MDGA2: variants seen among roughly 807,000 people sequenced by gnomAD.
MDGA2 encodes MAM domain containing glycosylphosphatidylinositol anchor 2.
MDGA2 carries 40 observed loss-of-function variants against 117.8 expected under a neutral mutation model. The ratio of observed to expected loss-of-function variants is 0.34; its 90% CI spans 0.26 to 0.44. MDGA2 has a LOEUF of 0.44. Among genes scored for constraint, MDGA2 ranks in the 20% least tolerant of loss-of-function variants. The pLI is 1.00. For synonymous variants in MDGA2, 452 were observed against 439.0 expected (o/e 1.03, Z -0.37); for missense variants, 1,123 against 1,250.6 (o/e 0.90, Z 1.54).
chr14:47,089,088 G>C (rs1214523933), intron 6 of MDGA2, among the ~76,000 whole-genome samples: 2 of 152,092 alleles, frequency 1.3e-5, no homozygotes, highest in African/African-American at 4.8e-5. Flanking sequence ...GTATTGTTGA[G>C]ATTTTTTTTT....
chr14:46,874,031 TC>T lies in MDGA2; in HGVS notation c.2593+13del. 2 of 1,529,376 alleles carry T rather than the reference TC, an allele frequency of 1.3e-6. No individual in the cohort carries two copies. Among genetic ancestry groups the T allele is most frequent in the Non-Finnish European group, 1.7e-6 (2 of 1,147,608 alleles). The allele number at this position is 1,529,376 out of a possible 1,614,324, so 94.7% of individuals were successfully genotyped here. A position where few individuals can be genotyped will look rare whatever the true frequency, so the allele number is the denominator to read the frequency against. ...CTCTGATTGCTATGAACACAAAAGG[TC>T]ATACCCCCATACCTTCTTTGGAGCC... On this transcript the variant is annotated intron_variant, in intron 13 of 16. Transcript: ENST00000399232.
At chr14:47,441,647 T>C (rs1893013624) in intron 1 of MDGA2, among the ~76,000 whole-genome samples, 1 of 152,146 alleles carries the variant, frequency 6.6e-6, no homozygotes, top group African/African-American at 2.4e-5. Flanking sequence ...GAATTGACAG[T>C]TTTTTGAAAA....
chr14:47,242,588 C>A (rs554371482), intron 2 of MDGA2, among the ~76,000 whole-genome samples: 1 of 151,978 alleles, frequency 6.6e-6, no homozygotes, highest in South Asian at 2.1e-4. Flanking sequence ...AGCACCCGGG[C>A]CAGTGGCTGC....
intron 1 of MDGA2, among the ~76,000 whole-genome samples, chr14:47,362,411 G>T (rs936322981): frequency 6.6e-6 from 1 of 152,088 alleles, no homozygotes; most frequent in African/African-American, 2.4e-5. Flanking sequence ...TTTATATAAT[G>T]TTTATTGGCT....
In MDGA2 at chr14:47,279,726, AACAG is replaced by A. The variant is rs537489440; in HGVS notation, c.420+21681_420+21684del. 1.1e-3 allele frequency among the ~76,000 whole-genome samples: 164 copies of A among 152,004 alleles called. 1 individual carries two copies. The highest frequency in any genetic ancestry group is 2.1e-3 in the Non-Finnish European group (143 of 67,948). ...TATGTTTAACTCTAGATCTCTTCCA[AACAG>A]ACAAACACACCCACACACCTACCCA... On this transcript the variant is annotated intron_variant, in intron 2 of 16. Transcript: ENST00000399232.
At chr14:47,251,356 C>T (rs2139642434) in intron 2 of MDGA2, among the ~76,000 whole-genome samples, 1 of 152,306 alleles carries the variant, frequency 6.6e-6, no homozygotes, top group Admixed American at 6.5e-5. Context: ...CTTGTGTTCT[C>T]CACTAAAATG....
chr14:47,064,993 C>T (rs751898573), intron 6 of MDGA2, among the ~76,000 whole-genome samples: 29 of 152,030 alleles, frequency 1.9e-4, no homozygotes, highest in Non-Finnish European at 3.5e-4. Flanking sequence ...AAATCCCTTT[C>T]CCCAAATGCA....
rs189852776 is a variant in MDGA2 at position 47,652,714 on chromosome 14, T to C, written c.280+21803A>G. On this transcript the variant is annotated intron_variant, in intron 1 of 16. Coordinates refer to ENST00000399232, the MANE Select transcript of MDGA2 (RefSeq NM_001113498.3). ...GCATAAAAAATTAGTACCTTATAAC[T>C]CTTTAGTAATTTTTAAAATTGCAAA... Among the ~76,000 whole-genome samples the C allele has an allele frequency of 1.8e-3, 277 of 152,290 alleles. 1 individual carries two copies. The highest frequency in any genetic ancestry group is 6.3e-3 in the African/African-American group (262 of 41,560).
intron 1 of MDGA2, among the ~76,000 whole-genome samples, chr14:47,457,255 TA>T (rs1297560260): frequency 2.6e-5 from 4 of 152,168 alleles, no homozygotes; most frequent in African/African-American, 7.2e-5. Context: ...AGCATGCATT[TA>T]AAAAAATAAT....
intron 5 of MDGA2, among the ~76,000 whole-genome samples, chr14:47,118,469 T>C (rs1419611171): frequency 7.2e-5 from 11 of 152,222 alleles, no homozygotes; most frequent in Non-Finnish European, 1.3e-4. Flanking sequence ...ATATTTTATT[T>C]CTCGAAGCTA....
At chr14:47,466,906 G>A (rs899723516) in intron 1 of MDGA2, among the ~76,000 whole-genome samples, 20 of 151,758 alleles carry the variant, frequency 1.3e-4, no homozygotes, top group African/African-American at 3.4e-4. Context: ...GCACTTTACC[G>A]GGCACAATGT....
intron 12 of MDGA2, 148 bp downstream of exon 12, chr14:46,877,341 C>T: frequency 4.6e-6 from 2 of 439,226 alleles, no homozygotes; most frequent in Non-Finnish European, 8.3e-6. Flanking sequence ...AATTTAAAAT[C>T]TACATTTAAT....
intron 16 of MDGA2, among the ~76,000 whole-genome samples, chr14:46,844,409 G>A (rs556787698): frequency 7.8e-4 from 119 of 152,006 alleles, no homozygotes; most frequent in Admixed American, 2.3e-3. Context: ...GTGAAACCGC[G>A]TCTCTACTAA....
intron 2 of MDGA2, among the ~76,000 whole-genome samples, chr14:47,266,158 G>A (rs1887958693): frequency 6.6e-6 from 1 of 152,026 alleles, no homozygotes; most frequent in African/African-American, 2.4e-5. Context: ...TTATCGCAGG[G>A]ATAAAGCTGG....
At chr14:47,034,761 C>T (rs1337597237) in intron 8 of MDGA2, among the ~76,000 whole-genome samples, 1 of 149,456 alleles carries the variant, frequency 6.7e-6, no homozygotes, top group African/African-American at 2.4e-5. Context: ...CACACACACA[C>T]ACACACACTA....
intron 1 of MDGA2, among the ~76,000 whole-genome samples, chr14:47,416,107 G>A (rs546230922): frequency 6.6e-6 from 1 of 152,048 alleles, no homozygotes; most frequent in East Asian, 1.9e-4. Flanking sequence ...TTTATCTAGC[G>A]TCAACTCACA....
intron 1 of MDGA2, among the ~76,000 whole-genome samples, chr14:47,383,759 C>T (rs1454065464): frequency 6.6e-6 from 1 of 151,998 alleles, no homozygotes; most frequent in Non-Finnish European, 1.5e-5. Flanking sequence ...TCCTGACCTC[C>T]TGTGATCCAC....
chr14:47,390,605 G>A (rs1891872345), intron 1 of MDGA2, among the ~76,000 whole-genome samples: 1 of 152,138 alleles, frequency 6.6e-6, no homozygotes, highest in Non-Finnish European at 1.5e-5. Flanking sequence ...GAACACGTAG[G>A]AAATGAGTTG....
At chr14:47,583,259 CTGT>C (rs1896262288) in intron 1 of MDGA2, among the ~76,000 whole-genome samples, 1 of 151,694 alleles carries the variant, frequency 6.6e-6, no homozygotes, top group African/African-American at 2.4e-5. Flanking sequence ...CTAGATTAGA[CTGT>C]ATGGTCAGGA....
Sources: allele counts gnomAD v4.1 joint callset (sites outside exome capture counted in the v4.1 genomes callset), GRCh38; gene constraint gnomAD v4.1.1; transcripts MANE v1.5; gene names NCBI Gene and HGNC (gene_info 2026-07-23, HGNC 2026-07-21).